Variants in SI observed in about 807,000 individuals in gnomAD.
SI encodes sucrase-isomaltase, also known as sucrase-isomaltase, intestinal.
A neutral mutation model predicts 253.3 loss-of-function variants in SI; 235 were observed. The observed-to-expected ratio is 0.93, with a 90% confidence interval of 0.83 to 1.03. SI has a LOEUF of 1.03. Ranked by LOEUF, SI falls within the 50% of genes least tolerant of loss-of-function variation. The pLI, the probability that SI is intolerant of heterozygous loss-of-function variation, is 0.00. For missense variants in SI, 2,442 were observed against 2,211.1 expected (o/e 1.10, Z -2.09); for synonymous variants, 819 against 712.0 (o/e 1.15, Z -2.39).
chr3:164,988,788 C>T (rs1054772351), intron 44 of SI, among the ~76,000 whole-genome samples: 1 of 152,170 alleles, frequency 6.6e-6, no homozygotes, highest in Non-Finnish European at 1.5e-5. Context: ...AAGAGATTTA[C>T]ACCTATGTCA....
rs533275284 is a variant in SI, at chr3:165,034,307, C to G, written c.2516-863G>C. Among the ~76,000 whole-genome samples, 7 of 152,052 alleles carry G rather than the reference C, an allele frequency of 4.6e-5. No individual in the cohort carries two copies. The South Asian group carries it at 1.5e-3, about 32-fold the overall frequency. Reference sequence around the variant, plus strand: ...TGAATTATATTATTCATATTCTTAACTACTTACTTATATGAAAGTAAGCTA... The same window carrying G: ...TGAATTATATTATTCATATTCTTAAGTACTTACTTATATGAAAGTAAGCTA... On this transcript the variant is annotated intron_variant, in intron 22 of 47. Coordinates refer to ENST00000264382, the MANE Select transcript of SI (RefSeq NM_001041.4).
At chr3:165,060,109 T>C (rs1024619985) in intron 9 of SI, 82 bp from the exon 10 acceptor site, 3 of 1,167,080 alleles carry the variant, frequency 2.6e-6, no homozygotes, top group African/African-American at 3.1e-5. Context: ...GTGCCTCTTA[T>C]TTTCTTATAT....
At chr3:165,020,287 G>A (rs1576889742) in intron 27 of SI, among the ~76,000 whole-genome samples, 1 of 151,526 alleles carries the variant, frequency 6.6e-6, no homozygotes, top group African/African-American at 2.4e-5. Context: ...CATAAAAATA[G>A]CTGTGTATGA....
At chr3:165,035,997 A>C (rs1451283796) in intron 22 of SI, among the ~76,000 whole-genome samples, 1 of 151,878 alleles carries the variant, frequency 6.6e-6, no homozygotes, top group Non-Finnish European at 1.5e-5. Context: ...TAAATAACTA[A>C]ATCTTTAAAT....
chr3:164,982,354 C>T lies in SI; in HGVS notation c.5304G>A (p.Arg1768=), dbSNP rs772347173. 1.9e-5 allele frequency: 31 copies of T among 1,612,600 alleles called. No homozygotes were observed. The Middle Eastern group carries it at 3.5e-3, about 180-fold the overall frequency. ...TCCCCCATACATGAAGGGATCCAAG[C>T]CTCGTTTCACTTTTATTTATGTAAC... is the stretch of plus-strand genomic sequence containing the variant. The part of the protein sequence containing the change: ...KRGYINKSET[R]LGSLHVWGKG... The change falls in exon 47 of 48, where the codon AGG becomes AGA. Residue 1768 remains arginine, a synonymous_variant. Coordinates refer to ENST00000264382, the MANE Select transcript of SI (RefSeq NM_001041.4).
At chr3:165,022,295 C>T (rs539944888) in intron 26 of SI, among the ~76,000 whole-genome samples, 33 of 150,680 alleles carry the variant, frequency 2.2e-4, no homozygotes, top group South Asian at 1.3e-3. Context: ...ACCTATGTCA[C>T]TTAACGCCTT....
intron 45 of SI, among the ~76,000 whole-genome samples, chr3:164,986,752 C>T (rs1429893656): frequency 6.6e-6 from 1 of 152,094 alleles, no homozygotes; most frequent in Non-Finnish European, 1.5e-5. Context: ...TCCTTTTTGT[C>T]ACTATAGTAT....
intron 6 of SI, among the ~76,000 whole-genome samples, chr3:165,067,033 A>G (rs1008908633): frequency 2.0e-5 from 3 of 151,960 alleles, no homozygotes; most frequent in African/African-American, 7.2e-5. Flanking sequence ...ACAAAATACG[A>G]TAAATATAAG....
At chr3:165,016,198 A>G (rs1719018609) in intron 31 of SI, 118 bp from the exon 32 acceptor site, 8 of 862,302 alleles carry the variant, frequency 9.3e-6, no homozygotes, top group Non-Finnish European at 1.4e-5. Context: ...TCTTCACTAG[A>G]TCCTAAAAAG....
chr3:165,037,329 C>G (rs553833941), intron 21 of SI, among the ~76,000 whole-genome samples: 93 of 152,012 alleles, frequency 6.1e-4, no homozygotes, highest in African/African-American at 2.1e-3. Flanking sequence ...AAATTCAATA[C>G]GGCACTTTCT....
chr3:165,058,880 A>ACACACACG, intron 12 of SI, 83 bp downstream of exon 12: 1 of 1,125,854 alleles, frequency 8.9e-7, no homozygotes, highest in Non-Finnish European at 1.3e-6. Context: ...ACACACACAC[A>ACACACACG]CACACACGCA....
intron 9 of SI, among the ~76,000 whole-genome samples, chr3:165,061,503 T>C (rs1246695915): frequency 6.6e-6 from 1 of 152,046 alleles, no homozygotes. Flanking sequence ...TTAGCTGCTC[T>C]CATTTCAGCT....
chr3:165,008,470 A>G (rs1022186750), intron 35 of SI, among the ~76,000 whole-genome samples: 3 of 151,980 alleles, frequency 2.0e-5, no homozygotes, highest in African/African-American at 7.2e-5. Context: ...ATCTAAATAA[A>G]TAAGTCAGCC....
At chr3:164,997,146 T>C (rs1718047608) in intron 38 of SI, among the ~76,000 whole-genome samples, 1 of 151,746 alleles carries the variant, frequency 6.6e-6, no homozygotes, top group Admixed American at 6.6e-5. Context: ...GAACTATAGG[T>C]TCAACTGGTT....
At chr3:165,047,843 A>AT (rs11421781) in intron 15 of SI, among the ~76,000 whole-genome samples, 137,019 of 149,922 alleles carry the variant, frequency 0.91, 62,635 homozygotes, top group Middle Eastern at 0.96. Flanking sequence ...AATTAAGAAG[A>AT]TTTTTTTTTT....
At chr3:164,989,856 C>T (rs1472963480) in intron 44 of SI, among the ~76,000 whole-genome samples, 1 of 152,094 alleles carries the variant, frequency 6.6e-6, no homozygotes, top group Non-Finnish European at 1.5e-5. Flanking sequence ...ATGATTCCAA[C>T]TATATGACAT....
At chr3:165,089,116 G>A in the SI span, among the ~76,000 whole-genome samples, 2 of 131,190 alleles carry the variant, frequency 1.5e-5, no homozygotes, top group Admixed American at 1.6e-4. Flanking sequence ...TGGTATATTC[G>A]TCTTCTTTGA....
chr3:164,982,319 G>A lies in SI; in HGVS notation c.5339C>T (p.Thr1780Ile). 1 of 1,612,868 alleles carries A rather than the reference G, an allele frequency of 6.2e-7. No homozygotes were observed. The highest frequency in any genetic ancestry group is 1.1e-5 in the South Asian group (1 of 91,080). Residue 1780 changes from threonine (T) to isoleucine (I), a missense_variant, in exon 47 of 48, where the codon ACT becomes ATT. By Grantham distance (89) the Thr-to-Ile change is moderately conservative (BLOSUM62 -1). Transcript: ENST00000264382. ...CGTTAGAGTAACTGCATTGACAGGA[G>A]TAGTTCCTTTCCCCCATACATGAAG... ...GSLHVWGKGT[T>I]PVNAVTLTYN...
Position 165,053,907 on chromosome 3 carries a change from T to G in SI, c.1512+1287A>C, listed in dbSNP as rs567637103. 2.2e-3 allele frequency among the ~76,000 whole-genome samples: 329 copies of G among 152,190 alleles called. 3 individuals carry two copies. The highest frequency in any genetic ancestry group is 3.6e-3 in the Non-Finnish European group (244 of 67,998). On this transcript the variant is annotated intron_variant, in intron 13 of 47. Transcript: ENST00000264382. The stretch of plus-strand genomic sequence containing the variant: ...AAGATCACAGTAAATTTTTTTTATT[T>G]CTACCAATTGCTAGTTATTAGTGGT...
Sources: allele counts gnomAD v4.1 joint callset (sites outside exome capture counted in the v4.1 genomes callset), GRCh38; gene constraint gnomAD v4.1.1; transcripts MANE v1.5; gene names NCBI Gene and HGNC (gene_info 2026-07-23, HGNC 2026-07-21).